RHPN2: variants seen among roughly 807,000 people sequenced by gnomAD.
The protein encoded by RHPN2 is rhophilin-2.
In RHPN2, 40 loss-of-function variants were observed where a neutral mutation model predicts 79.0. The observed-to-expected ratio is 0.51, with a 90% CI of 0.39 to 0.66. The LOEUF (loss-of-function observed/expected upper bound fraction) is 0.66, where lower values mean the gene tolerates loss of function less well. RHPN2 is among the 30% of genes least tolerant of loss of function. RHPN2 has a pLI of 0.00. For missense variants in RHPN2, 686 were observed against 883.5 expected (o/e 0.78, Z 2.83); for synonymous variants, 285 against 363.5 (o/e 0.78, Z 2.46).
At position 33,012,789 on chromosome 19, in the gene RHPN2, AAT is replaced by A. The variant is rs1346182043; in HGVS notation, c.391-67_391-66del. The A allele has an allele frequency of 1.0e-5, 9 of 890,992 alleles. No individual in the cohort carries two copies. In the East Asian group the frequency reaches 2.2e-4, roughly 21 times the overall value. 55.2% of individuals were successfully genotyped at this position (890,992 alleles called of 1,614,324 possible). ...GAAAACCATATGTGTGCATAATAGT[AAT>A]ATGTCAATTGTGAACCCATTTTTAA... On this transcript the variant is annotated intron_variant, in intron 4 of 14. Transcript: ENST00000254260.
chr19:32,988,535 T>C (rs1971629300), intron 14 of RHPN2, among the ~76,000 whole-genome samples: 1 of 148,304 alleles, frequency 6.7e-6, no homozygotes, highest in Non-Finnish European at 1.5e-5. Context: ...GTTCCCCTTC[T>C]GAAAGGGGCT....
At chr19:32,987,078 A>G (rs997103245) in intron 14 of RHPN2, among the ~76,000 whole-genome samples, 7 of 151,564 alleles carry the variant, frequency 4.6e-5, no homozygotes, top group Admixed American at 1.3e-4. Context: ...AGGTCTCGCC[A>G]TGTTGCCCAG....
intron 2 of RHPN2, among the ~76,000 whole-genome samples, chr19:33,029,520 TATCTCA>T (rs888680931): frequency 2.4e-5 from 3 of 124,950 alleles, no homozygotes; most frequent in African/African-American, 9.8e-5. Context: ...AGCGAGACTC[TATCTCA>T]GAAAAAAAAA....
rs1012522299 is a variant in RHPN2, at chr19:33,032,252, G to A, written c.186-5620C>T. 9.9e-5 allele frequency among the ~76,000 whole-genome samples: 15 copies of A among 151,028 alleles called. 1 individual carries two copies. The highest frequency in any genetic ancestry group is 9.9e-4 in the Admixed American group (15 of 15,156). On this transcript the variant is annotated intron_variant, in intron 2 of 14. Transcript: ENST00000254260. ...GCCTGGTCTCCACCTCCTGACCTCA[G>A]GTGATCCACCCACCTCGGCCTCCCG...
chr19:33,004,322 G>C (rs1250023801), intron 7 of RHPN2, among the ~76,000 whole-genome samples: 3 of 151,802 alleles, frequency 2.0e-5, no homozygotes, highest in Non-Finnish European at 4.4e-5. Flanking sequence ...TTACAGGTGT[G>C]AGCCACCTTG....
intron 2 of RHPN2, among the ~76,000 whole-genome samples, chr19:33,043,882 A>G (rs1045324323): frequency 6.6e-5 from 10 of 152,146 alleles, no homozygotes; most frequent in African/African-American, 2.4e-4. Flanking sequence ...TATATTCAAT[A>G]AACATTTACC....
chr19:32,996,265 G>A (rs376980005), intron 10 of RHPN2, 45 bp from the exon 11 acceptor site: 1 of 1,610,454 alleles, frequency 6.2e-7, no homozygotes, highest in South Asian at 1.1e-5. Flanking sequence ...GATCCACCAA[G>A]CAGAGCATAA....
intron 4 of RHPN2, among the ~76,000 whole-genome samples, chr19:33,013,376 G>A (rs1490508543): frequency 6.6e-6 from 1 of 151,594 alleles, no homozygotes; most frequent in African/African-American, 2.4e-5. Flanking sequence ...TGTATTTTTA[G>A]TAGAGATGGG....
chr19:33,054,204 T>G (rs1170540107), intron 1 of RHPN2, among the ~76,000 whole-genome samples: 1 of 149,294 alleles, frequency 6.7e-6, no homozygotes, highest in Non-Finnish European at 1.5e-5. Flanking sequence ...TTTGTTTTTT[T>G]TTTTTTTTTT....
Position 33,064,785 on chromosome 19 carries a change from T to G in RHPN2, c.68A>C (p.Lys23Thr), listed in dbSNP as rs1297060271. The change falls in exon 1 of 15, where the codon AAG (lysine) becomes ACG (threonine). Residue 23 changes from lysine to threonine, a missense_variant and splice_region_variant. Lys to Thr is a moderately conservative substitution (Grantham distance 78, BLOSUM62 -1). Transcript: ENST00000254260. ...LEKENDGYFRKGCNPLAQTGR... is the reference protein window; with the variant it reads ...LEKENDGYFRTGCNPLAQTGR... ...GCCCGCCCGCCCGAAGCCGCCCACCTTCCGAAAGTAGCCGTCGTTCTCCTT... is the reference window on the plus strand; with the variant it reads ...GCCCGCCCGCCCGAAGCCGCCCACCGTCCGAAAGTAGCCGTCGTTCTCCTT... 1.9e-6 allele frequency: 1 copy of G among 540,414 alleles called. No homozygotes were observed. The highest frequency in any genetic ancestry group is 2.6e-6 in the Non-Finnish European group (1 of 388,576). The allele number at this position is 540,414 out of a possible 1,614,324, so 33.5% of individuals were successfully genotyped here.
intron 7 of RHPN2, among the ~76,000 whole-genome samples, chr19:33,003,609 CA>C (rs1971768482): frequency 6.6e-6 from 1 of 152,054 alleles, no homozygotes; most frequent in Non-Finnish European, 1.5e-5. Context: ...TGATTAAACA[CA>C]ATGTGGCCTA....
chr19:32,996,860 T>C (rs969734644), intron 10 of RHPN2, among the ~76,000 whole-genome samples: 24 of 152,288 alleles, frequency 1.6e-4, no homozygotes, highest in African/African-American at 5.5e-4. Flanking sequence ...CTCGCTTGGT[T>C]ACAACAAGCC....
chr19:33,043,078 C>CA (rs572111653), intron 2 of RHPN2, among the ~76,000 whole-genome samples: 39,290 of 135,604 alleles, frequency 0.29, 7,796 homozygotes, highest in African/African-American at 0.57. Context: ...GACTCCGTCT[C>CA]AAAAAAAAAA....
At chr19:33,010,817 G>C (rs1186482571) in intron 6 of RHPN2, among the ~76,000 whole-genome samples, 1 of 152,126 alleles carries the variant, frequency 6.6e-6, no homozygotes, top group African/African-American at 2.4e-5. Flanking sequence ...AAGTAGCTGG[G>C]ACTAACAGGT....
chr19:33,000,977 A>T (rs754900539), intron 9 of RHPN2, among the ~76,000 whole-genome samples: 11 of 147,898 alleles, frequency 7.4e-5, no homozygotes, highest in Admixed American at 2.7e-4. Context: ...GGCGGCTCAC[A>T]CTTTCAGAGA....
intron 2 of RHPN2, among the ~76,000 whole-genome samples, chr19:33,029,047 G>A (rs750427121): frequency 1.2e-4 from 18 of 152,022 alleles, no homozygotes; most frequent in Non-Finnish European, 2.2e-4. Context: ...GCCTGATGCA[G>A]GAGAATCACT....
intron 2 of RHPN2, among the ~76,000 whole-genome samples, chr19:33,043,328 A>G (rs535850420): frequency 6.6e-6 from 1 of 152,244 alleles, no homozygotes; most frequent in South Asian, 2.1e-4. Context: ...AGGCAGACGG[A>G]TCACTTGAGG....
At chr19:33,031,251 T>TTCTATTCTATTCTAC (rs1555713296) in intron 2 of RHPN2, among the ~76,000 whole-genome samples, 1 of 132,484 alleles carries the variant, frequency 7.5e-6, no homozygotes, top group Non-Finnish European at 1.7e-5. Context: ...TTCTATTCTA[T>TTCTATTCTATTCTAC]TCTACTCTAT....
chr19:33,017,703 TAAAA>T (rs758409340), intron 4 of RHPN2, among the ~76,000 whole-genome samples: 3 of 98,102 alleles, frequency 3.1e-5, no homozygotes, highest in Non-Finnish European at 6.2e-5. Context: ...CCCCATCTCT[TAAAA>T]AAAAAAAAAA....
Sources: allele counts gnomAD v4.1 joint callset (sites outside exome capture counted in the v4.1 genomes callset), GRCh38; gene constraint gnomAD v4.1.1; transcripts MANE v1.5; gene names NCBI Gene and HGNC (gene_info 2026-07-23, HGNC 2026-07-21).